Variants in PTPN20 observed in about 807,000 individuals in gnomAD.
PTPN20 encodes protein tyrosine phosphatase non-receptor type 20.
Under a neutral mutation model 35.0 loss-of-function variants are expected in PTPN20, and 9 were observed. That is an observed-to-expected ratio of 0.26 (90% CI 0.15 to 0.45). The LOEUF is 0.45. Among genes scored for constraint, PTPN20 ranks in the 20% least tolerant of loss-of-function variants. The pLI, the probability that PTPN20 is intolerant of heterozygous loss-of-function variation, is 1.00. For synonymous variants in PTPN20, 32 were observed against 100.2 expected (o/e 0.32, Z 4.06); for missense variants, 111 against 312.5 (o/e 0.36, Z 4.86).
Position 46,984,385 on chromosome 10 carries a change from A to G in PTPN20, c.739A>G (p.Asn247Asp), listed in dbSNP as rs2056444070. The change falls in exon 8 of 11, where the codon AAT becomes GAT. Residue 247 changes from asparagine (N) to aspartate (D), a missense_variant. Coordinates refer to ENST00000374339, the MANE Select transcript of PTPN20 (RefSeq NM_001042357.5). ...CTTTTGGCAAATGGTGTTGGAAAAT[A>G]ATTCAAATGTTATTGCCATGATAAC... ...DDFWQMVLEN[N>D]SNVIAMITRE... 24 of 1,611,972 alleles carry G rather than the reference A, an allele frequency of 1.5e-5. No individual in the cohort carries two copies. In the South Asian group the frequency reaches 2.6e-4, roughly 18 times the overall value.
chr10:46,933,624 C>A (rs1717019650), intron 2 of PTPN20, among the ~76,000 whole-genome samples: 1 of 138,152 alleles, frequency 7.2e-6, no homozygotes, highest in African/African-American at 2.9e-5. Context: ...ATAGAAGAGA[C>A]TTTCTTGTCC....
At chr10:46,983,081 T>G (rs1260499249) in intron 7 of PTPN20, among the ~76,000 whole-genome samples, 17 of 148,154 alleles carry the variant, frequency 1.1e-4, no homozygotes, top group African/African-American at 4.0e-4. Context: ...TTTTTTTTTT[T>G]TTTTTGTTTG....
intron 1 of PTPN20, among the ~76,000 whole-genome samples, chr10:46,928,258 C>T (rs1278882617): frequency 6.6e-6 from 1 of 152,086 alleles, no homozygotes; most frequent in Non-Finnish European, 1.5e-5. Context: ...GCTTGCTGCT[C>T]ATGTCTGTGA....
intron 7 of PTPN20, among the ~76,000 whole-genome samples, chr10:46,979,268 G>A (rs561986830): frequency 1.8e-5 from 2 of 109,138 alleles, no homozygotes; most frequent in Admixed American, 1.6e-4. Flanking sequence ...AATCAAAGCA[G>A]GGGCTTATGG....
chr10:46,925,205 C>G (rs1454178024), intron 1 of PTPN20, among the ~76,000 whole-genome samples: 2 of 150,136 alleles, frequency 1.3e-5, no homozygotes, highest in Admixed American at 1.3e-4. Context: ...GGGCATGCCT[C>G]TTTCTGTTTA....
intron 4 of PTPN20, among the ~76,000 whole-genome samples, chr10:46,945,203 T>C (rs1174934505): frequency 6.6e-6 from 1 of 150,772 alleles, no homozygotes; most frequent in Non-Finnish European, 1.5e-5. Context: ...TAATGCCATA[T>C]ATGTGAAGCT....
intron 4 of PTPN20, among the ~76,000 whole-genome samples, chr10:46,944,795 T>C (rs1555139392): frequency 6.8e-6 from 1 of 148,072 alleles, no homozygotes; most frequent in East Asian, 1.9e-4. Flanking sequence ...ATATATTTTT[T>C]GCTCTTTAGT....
Position 46,975,765 on chromosome 10 carries a change from G to A in PTPN20, c.583+7718G>A, listed in dbSNP as rs1336055638. 1.1e-3 allele frequency among the ~76,000 whole-genome samples: 172 copies of A among 152,114 alleles called. No homozygotes were observed. In the Middle Eastern group the frequency reaches 0.031, roughly 27 times the overall value. ...CACCCTTTGCCTCCTGGGTTCAAGC[G>A]ATTTTCCTGCCTCAGCCTCCTGAGT... is the stretch of plus-strand genomic sequence containing the variant. On this transcript the variant is annotated intron_variant, in intron 7 of 10. Coordinates refer to ENST00000374339, the MANE Select transcript of PTPN20 (RefSeq NM_001042357.5).
At chr10:46,997,470 C>T (rs2059329828) in intron 9 of PTPN20, among the ~76,000 whole-genome samples, 1 of 151,278 alleles carries the variant, frequency 6.6e-6, no homozygotes, top group African/African-American at 2.4e-5. Context: ...TGTATACATC[C>T]TACTTATTTT....
chr10:46,933,347 C>G (rs1319054165), intron 2 of PTPN20, among the ~76,000 whole-genome samples: 1 of 151,812 alleles, frequency 6.6e-6, no homozygotes, highest in African/African-American at 2.4e-5. Flanking sequence ...GATCTACCCT[C>G]TTAGCAAATA....
At chr10:46,996,233 G>T (rs2059086361) in intron 9 of PTPN20, among the ~76,000 whole-genome samples, 1 of 152,046 alleles carries the variant, frequency 6.6e-6, no homozygotes, top group Non-Finnish European at 1.5e-5. Flanking sequence ...CAATATATGA[G>T]GAATCATAAC....
chr10:46,940,497 G>A, intron 2 of PTPN20, 126 bp from the exon 3 acceptor site: 4 of 1,049,576 alleles, frequency 3.8e-6, no homozygotes, highest in Admixed American at 3.8e-5. Context: ...AAGATGGGGT[G>A]TTTGGAAAAC....
chr10:46,937,593 AT>A (rs1185148364), intron 2 of PTPN20, among the ~76,000 whole-genome samples: 25 of 148,120 alleles, frequency 1.7e-4, no homozygotes, highest in African/African-American at 5.8e-4. Flanking sequence ...ACAGACACTG[AT>A]TTTTTTTCCT....
intron 9 of PTPN20, among the ~76,000 whole-genome samples, chr10:46,993,465 A>G (rs2058397864): frequency 6.6e-6 from 1 of 152,116 alleles, no homozygotes. Flanking sequence ...GGGGTGTGAG[A>G]TCTCCAGGCA....
intron 9 of PTPN20, among the ~76,000 whole-genome samples, chr10:46,993,234 T>G (rs1183477477): frequency 6.6e-6 from 1 of 152,186 alleles, no homozygotes; most frequent in Non-Finnish European, 1.5e-5. Context: ...TTTCCAGGCC[T>G]TAGGGGAGCC....
At chr10:46,925,930 A>C in intron 1 of PTPN20, 1 of 976,408 alleles carries the variant, frequency 1.0e-6, no homozygotes. Flanking sequence ...ATATAATCTG[A>C]GTAAGTCAGG....
At chr10:46,994,156 G>C (rs1054052192) in intron 9 of PTPN20, among the ~76,000 whole-genome samples, 5 of 151,620 alleles carry the variant, frequency 3.3e-5, no homozygotes, top group Non-Finnish European at 5.9e-5. Flanking sequence ...GATTTCTGTT[G>C]AGAGTCAATT....
Position 47,000,857 on chromosome 10 carries a change from T to C in PTPN20, c.*116T>C. On this transcript the variant is annotated 3_prime_UTR_variant, in exon 11 of 11. Transcript: ENST00000374339. ...CTATGCATACAATCTGCTTTCTTGG[T>C]TTATCAGTTTATTTTCTTTCTAAAA... 1 of 1,306,540 alleles carries C rather than the reference T, an allele frequency of 7.7e-7. No individual in the cohort carries two copies. The highest frequency in any genetic ancestry group is 1.2e-5 in the South Asian group (1 of 84,114). 80.9% of individuals were successfully genotyped at this position (1,306,540 alleles called of 1,614,324 possible). A position where few individuals can be genotyped will look rare whatever the true frequency, so the allele number is the denominator to read the frequency against.
chr10:46,925,495 TTGCTGC>T (rs1183970748), intron 1 of PTPN20, among the ~76,000 whole-genome samples: 3 of 147,156 alleles, frequency 2.0e-5, no homozygotes, highest in African/African-American at 7.7e-5. Flanking sequence ...TGAGGAGAAC[TTGCTGC>T]TGCTGCTGCT....
Sources: allele counts gnomAD v4.1 joint callset (sites outside exome capture counted in the v4.1 genomes callset), GRCh38; gene constraint gnomAD v4.1.1; transcripts MANE v1.5; gene names NCBI Gene and HGNC (gene_info 2026-07-23, HGNC 2026-07-21).